PTK2: variants seen among roughly 807,000 people sequenced by gnomAD.
PTK2 encodes the protein protein tyrosine kinase 2, also known as focal adhesion kinase 1.
In PTK2, 45 loss-of-function variants were observed where a neutral mutation model predicts 150.1. The ratio of observed to expected loss-of-function variants is 0.30; its 90% confidence interval spans 0.24 to 0.38. The LOEUF is 0.38. PTK2 is among the 10% of genes least tolerant of loss of function. The probability of loss-of-function intolerance (pLI) is 1.00; values close to 1 mark genes in which losing one functional copy is unlikely to be tolerated. For missense variants in PTK2, 919 were observed against 1,307.3 expected, an observed-to-expected ratio of 0.70 and a Z score of 4.58; for synonymous variants, 432 against 449.2, an observed-to-expected ratio of 0.96 and a Z score of 0.48.
intron 14 of PTK2, among the ~76,000 whole-genome samples, chr8:140,774,649 C>T (rs1437114218): frequency 2.0e-5 from 3 of 152,140 alleles, no homozygotes; most frequent in African/African-American, 7.2e-5. Context: ...CAGGATGAGA[C>T]AGGAGGTTGA....
intron 22 of PTK2, among the ~76,000 whole-genome samples, chr8:140,720,999 CG>C (rs1302735593): frequency 2.0e-5 from 3 of 152,128 alleles, no homozygotes; most frequent in Admixed American, 6.5e-5. Flanking sequence ...TCAAGTGATC[CG>C]CCCGCCTTGG....
chr8:140,687,087 TAGCA>T, intron 26 of PTK2: 1 of 187,762 alleles, frequency 5.3e-6, no homozygotes, highest in Non-Finnish European at 1.1e-5. Context: ...CTTGCCAAAG[TAGCA>T]AATGAGTTCA....
intron 27 of PTK2, among the ~76,000 whole-genome samples, chr8:140,676,999 T>C (rs1041693433): frequency 2.0e-5 from 3 of 150,456 alleles, no homozygotes; most frequent in Admixed American, 6.6e-5. Flanking sequence ...ATTTGTGTGA[T>C]GGTTATACTA....
intron 14 of PTK2, among the ~76,000 whole-genome samples, chr8:140,783,240 C>T (rs1425534974): frequency 1.3e-5 from 2 of 151,970 alleles, no homozygotes; most frequent in East Asian, 3.9e-4. Flanking sequence ...ACCATGTCTC[C>T]AGAAAAAAGA....
intron 1 of PTK2, among the ~76,000 whole-genome samples, chr8:140,954,087 G>A (rs998766786): frequency 6.6e-6 from 1 of 151,810 alleles, no homozygotes; most frequent in Non-Finnish European, 1.5e-5. Context: ...GAATTCTCCT[G>A]CCTCAGCCTC....
exon 32 of PTK2, chr8:140,659,138 C>G: frequency 3.3e-6 from 1 of 301,488 alleles, no homozygotes; most frequent in Non-Finnish European, 6.2e-6. Context: ...CCTTGGCCAT[C>G]CCCCTTTAGA....
At chr8:140,679,557 C>A (rs115062087) in intron 27 of PTK2, among the ~76,000 whole-genome samples, 2 of 152,070 alleles carry the variant, frequency 1.3e-5, no homozygotes, top group African/African-American at 4.8e-5. Flanking sequence ...TGGTTCTGTG[C>A]GGAACCAGCT....
rs957702908 is a variant in PTK2, at chr8:140,793,499, T to C, written c.1094-115A>G. ...ATACTGGTATTCCAGCAATGACCCTTTAAAGAAAGTTGCTACACTGTCTAC... is the reference window on the plus strand; with the variant it reads ...ATACTGGTATTCCAGCAATGACCCTCTAAAGAAAGTTGCTACACTGTCTAC... On this transcript the variant is annotated intron_variant, in intron 12 of 31. Coordinates refer to ENST00000522684, the Ensembl canonical transcript of PTK2. 3 of 1,083,352 alleles carry C rather than the reference T, an allele frequency of 2.8e-6. No individual in the cohort carries two copies. The Admixed American group carries it at 7.5e-5, about 27-fold the overall frequency. The allele number at this position is 1,083,352 out of a possible 1,614,324, so 67.1% of individuals were successfully genotyped here.
chr8:140,919,723 A>C (rs1432227168), intron 2 of PTK2, among the ~76,000 whole-genome samples: 4 of 152,212 alleles, frequency 2.6e-5, no homozygotes, highest in Non-Finnish European at 4.4e-5. Context: ...AAAAGTTCCC[A>C]TTCCCAAAGC....
chr8:140,902,942 T>TGTG (rs1228257212), intron 2 of PTK2, among the ~76,000 whole-genome samples: 1 of 131,958 alleles, frequency 7.6e-6, no homozygotes, highest in Non-Finnish European at 1.6e-5. Flanking sequence ...TTTTTTTTTT[T>TGTG]TTTTTTTTTT....
chr8:140,851,064 AAG>A (rs2100129000), intron 5 of PTK2, among the ~76,000 whole-genome samples: 2 of 152,348 alleles, frequency 1.3e-5, no homozygotes, highest in Admixed American at 1.3e-4. Context: ...AGGGCAGACA[AAG>A]AAAAAACTGA....
At chr8:140,792,960 G>A (rs2100089387) in intron 13 of PTK2, among the ~76,000 whole-genome samples, 1 of 152,106 alleles carries the variant, frequency 6.6e-6, no homozygotes, top group African/African-American at 2.4e-5. Context: ...AGATCAACAT[G>A]CCCACTATAA....
chr8:140,892,495 C>T (rs1014247310), intron 2 of PTK2: 10 of 305,240 alleles, frequency 3.3e-5, no homozygotes, highest in Admixed American at 2.0e-4. Context: ...GAGATCGTGC[C>T]ACTGCTTTCC....
chr8:140,920,314 TAAC>T (rs2100166943), intron 2 of PTK2, among the ~76,000 whole-genome samples: 1 of 152,088 alleles, frequency 6.6e-6, no homozygotes, highest in Non-Finnish European at 1.5e-5. Context: ...ACAAAAACCC[TAAC>T]AACATTAAAG....
intron 5 of PTK2, among the ~76,000 whole-genome samples, chr8:140,855,295 T>TA (rs201688663): frequency 2.7e-5 from 4 of 149,346 alleles, no homozygotes; most frequent in African/African-American, 7.4e-5. Flanking sequence ...TTTCTAGACT[T>TA]AAAAAAAAAG....
intron 1 of PTK2, among the ~76,000 whole-genome samples, chr8:140,999,025 G>A (rs1051394300): frequency 6.6e-6 from 1 of 152,124 alleles, no homozygotes; most frequent in Non-Finnish European, 1.5e-5. Context: ...TTCACTGCTG[G>A]ATTCATGGAA....
intron 26 of PTK2, among the ~76,000 whole-genome samples, chr8:140,690,153 T>C (rs1255317519): frequency 6.6e-6 from 1 of 151,714 alleles, no homozygotes; most frequent in African/African-American, 2.4e-5. Flanking sequence ...GGGGTTTCAC[T>C]GGGTTAGCCA....
At chr8:140,957,368 T>C (rs1419352930) in intron 1 of PTK2, among the ~76,000 whole-genome samples, 4 of 152,158 alleles carry the variant, frequency 2.6e-5, no homozygotes, top group African/African-American at 4.8e-5. Context: ...GGGGCTCACA[T>C]TGTACTGCTG....
intron 1 of PTK2, among the ~76,000 whole-genome samples, chr8:140,996,040 G>A (rs753009001): frequency 3.3e-5 from 5 of 151,800 alleles, no homozygotes; most frequent in African/African-American, 9.7e-5. Flanking sequence ...AGCCAAGATC[G>A]CGCCACTGGG....
Sources: gnomAD v4.1 joint callset for allele counts (sites outside exome capture counted in the v4.1 genomes callset) on GRCh38, gnomAD v4.1.1 for gene constraint, MANE v1.5 for transcripts, NCBI Gene and HGNC (gene_info 2026-07-23, HGNC 2026-07-21) for gene names.